The following LY6S variants were observed in gnomAD, a reference collection of about 807,000 sequenced individuals.
LY6S encodes the protein lymphocyte antigen 6S.
the LY6S span, among the ~76,000 whole-genome samples, chr8:143,072,709 T>C: frequency 0.02 from 455 of 22,950 alleles, 1 homozygote; most frequent in African/African-American, 0.038. Flanking sequence ...GAGGAGACAG[T>C]CGTCGTCCTC....
At chr8:143,045,155 C>T in the LY6S span, among the ~76,000 whole-genome samples, 3 of 152,184 alleles carry the variant, frequency 2.0e-5, no homozygotes, top group Admixed American at 2.0e-4. The surrounding 1 kb of genome is among the most constrained non-coding windows in gnomAD (Gnocchi z 5.3). Flanking sequence ...GCCACCGGAA[C>T]ACCGAAGCCC....
At chr8:143,054,139 T>C in the LY6S span, 1 of 152,080 alleles carries the variant, frequency 6.6e-6, no homozygotes, top group Non-Finnish European at 1.5e-5. Context: ...ACCCCTCCTC[T>C]ACTAAAAATA....
the LY6S span, among the ~76,000 whole-genome samples, chr8:143,051,451 G>C: frequency 6.6e-6 from 1 of 152,064 alleles, no homozygotes; most frequent in Non-Finnish European, 1.5e-5. Context: ...TGAGGCAGGA[G>C]AGTCACTTGA....
the LY6S span, among the ~76,000 whole-genome samples, chr8:143,070,661 A>G: frequency 1.3e-5 from 2 of 149,946 alleles, no homozygotes; most frequent in African/African-American, 2.5e-5. Context: ...TAATTATTTT[A>G]TCTTTAGTAG....
At chr8:143,064,563 G>T in the LY6S span, among the ~76,000 whole-genome samples, 1 of 152,186 alleles carries the variant, frequency 6.6e-6, no homozygotes, top group Non-Finnish European at 1.5e-5. Flanking sequence ...TAGTTGGAGA[G>T]CTTTGAAATC....
At chr8:143,050,717 C>T in the LY6S span, among the ~76,000 whole-genome samples, 3 of 152,162 alleles carry the variant, frequency 2.0e-5, no homozygotes, top group Non-Finnish European at 4.4e-5. Context: ...TGGGCCAGGC[C>T]TTCCACAGTA....
chr8:143,057,668 C>T, the LY6S span: 1 of 896,068 alleles, frequency 1.1e-6, no homozygotes, highest in Non-Finnish European at 1.9e-6. Flanking sequence ...GAAGACTCAG[C>T]CGCTGGCGGG....
chr8:143,065,857 A>G, the LY6S span: 4 of 110,308 alleles, frequency 3.6e-5, no homozygotes, highest in Admixed American at 4.5e-4. Flanking sequence ...CTTGTACGAT[A>G]TCTATTTTGT....
the LY6S span, among the ~76,000 whole-genome samples, chr8:143,045,427 T>G: frequency 6.6e-5 from 10 of 152,148 alleles, no homozygotes; most frequent in African/African-American, 2.2e-4. This position sits in a 1 kb window ranked among gnomAD's most constrained non-coding sequence, Gnocchi z 5.3. Flanking sequence ...GGGGATCGAA[T>G]GAGTCCTGCA....
chr8:143,044,809 G>T, the LY6S span: 1 of 1,366,400 alleles, frequency 7.3e-7, no homozygotes, highest in Non-Finnish European at 9.8e-7. Flanking sequence ...AGCTGGGAGA[G>T]AGGGCAAGGT....
the LY6S span, among the ~76,000 whole-genome samples, chr8:143,070,475 A>AATATATATATAATATATATAT: frequency 6.7e-5 from 3 of 44,520 alleles, no homozygotes; most frequent in East Asian, 1.6e-3. Flanking sequence ...ATATATATAT[A>AATATATATATAATATATATAT]AATATATATA....
At chr8:143,043,261 T>C in the LY6S span, 1 of 1,361,920 alleles carries the variant, frequency 7.3e-7, no homozygotes, top group Non-Finnish European at 9.8e-7. Flanking sequence ...ACAACGGCAC[T>C]TGTAAGTTTC....
the LY6S span, among the ~76,000 whole-genome samples, chr8:143,063,122 A>T: frequency 6.6e-6 from 1 of 152,118 alleles, no homozygotes; most frequent in Non-Finnish European, 1.5e-5. Flanking sequence ...AACATGAAGG[A>T]TTTGTCCCAC....
At chr8:143,073,504 G>A in the LY6S span, among the ~76,000 whole-genome samples, 7 of 148,382 alleles carry the variant, frequency 4.7e-5, no homozygotes, top group African/African-American at 1.8e-4. Context: ...TCGTCCCCGG[G>A]GCTCCTGTTT....
the LY6S span, among the ~76,000 whole-genome samples, chr8:143,070,089 G>A: frequency 6.6e-6 from 1 of 151,830 alleles, no homozygotes; most frequent in Admixed American, 6.6e-5. Context: ...CTCCCCCTGG[G>A]GCACCTCTCC....
the LY6S span, among the ~76,000 whole-genome samples, chr8:143,054,575 G>T: frequency 6.6e-6 from 1 of 152,180 alleles, no homozygotes; most frequent in African/African-American, 2.4e-5. Flanking sequence ...GTTGTGGGGG[G>T]TTGTGGATCT....
the LY6S span, among the ~76,000 whole-genome samples, chr8:143,064,459 G>T: frequency 6.6e-6 from 1 of 152,140 alleles, no homozygotes; most frequent in Non-Finnish European, 1.5e-5. Context: ...CCATTCAGAG[G>T]GGCTAGATAT....
At chr8:143,069,775 C>T in the LY6S span, among the ~76,000 whole-genome samples, 2 of 152,210 alleles carry the variant, frequency 1.3e-5, no homozygotes, top group African/African-American at 2.4e-5. Flanking sequence ...TTGCTTTCTA[C>T]CGGCCCCTGC....
chr8:143,049,797 A>T, the LY6S span, among the ~76,000 whole-genome samples: 1 of 152,240 alleles, frequency 6.6e-6, no homozygotes, highest in Non-Finnish European at 1.5e-5. Context: ...AGGGCCAGAG[A>T]AACTGCTCCC....
Sources: allele counts gnomAD v4.1 joint callset (sites outside exome capture counted in the v4.1 genomes callset), GRCh38; gene constraint gnomAD v4.1.1; non-coding constraint Gnocchi (gnomAD v3.1); transcripts MANE v1.5; gene names NCBI Gene and HGNC (gene_info 2026-07-23, HGNC 2026-07-21).